PSD3: variants seen among roughly 807,000 people sequenced by gnomAD.
The protein encoded by PSD3 is PH and SEC7 domain-containing protein 3.
In PSD3, 49 loss-of-function variants were observed where a neutral mutation model predicts 105.5. That is an observed-to-expected ratio of 0.46 (90% confidence interval 0.37 to 0.59). PSD3 has a LOEUF of 0.59. PSD3 is among the 20% of genes least tolerant of loss of function. The pLI is 0.00. For missense variants in PSD3, 1,561 were observed against 1,263.8 expected (o/e 1.24, Z -3.57); for synonymous variants, 557 against 457.8 (o/e 1.22, Z -2.77).
intron 10 of PSD3, among the ~76,000 whole-genome samples, chr8:18,640,772 T>C (rs1268156281): frequency 3.9e-5 from 6 of 152,192 alleles, no homozygotes; most frequent in Non-Finnish European, 4.4e-5. Flanking sequence ...CTTTCCTCTC[T>C]ATTTAGGAAG....
intron 1 of PSD3, among the ~76,000 whole-genome samples, chr8:18,971,566 C>T (rs150683391): frequency 3.3e-5 from 5 of 152,142 alleles, no homozygotes; most frequent in South Asian, 2.1e-4. Context: ...CTGCAGCCCC[C>T]GGGCTTCAGC....
chr8:18,680,035 A>C (rs1253918756), intron 9 of PSD3, among the ~76,000 whole-genome samples: 1 of 152,250 alleles, frequency 6.6e-6, no homozygotes, highest in East Asian at 1.9e-4. Flanking sequence ...ATTCCGCCTC[A>C]TTTAAACGGT....
At chr8:18,891,829 T>C (rs900801313) in intron 2 of PSD3, among the ~76,000 whole-genome samples, 7 of 152,254 alleles carry the variant, frequency 4.6e-5, no homozygotes, top group African/African-American at 1.7e-4. Context: ...AAGAACTTAA[T>C]GTAAGACCAC....
chr8:18,643,619 C>G (rs959042476), intron 10 of PSD3, among the ~76,000 whole-genome samples: 1 of 152,108 alleles, frequency 6.6e-6, no homozygotes, highest in African/African-American at 2.4e-5. Flanking sequence ...TGAACAAAAC[C>G]CAACTCCAAA....
At chr8:18,965,421 C>G (rs12676418) in intron 1 of PSD3, among the ~76,000 whole-genome samples, 10,620 of 152,206 alleles carry the variant, frequency 0.07, 894 homozygotes, top group African/African-American at 0.2. Flanking sequence ...ACAGGCTGTG[C>G]TGGTAAGGCC....
chr8:18,923,325 C>T (rs1314607333), intron 2 of PSD3, among the ~76,000 whole-genome samples: 1 of 152,158 alleles, frequency 6.6e-6, no homozygotes, highest in Admixed American at 6.5e-5. Flanking sequence ...GACAAGGTAG[C>T]CCCATTCTAA....
intron 8 of PSD3, among the ~76,000 whole-genome samples, chr8:18,768,800 T>TTTG (rs146389767): frequency 0.02 from 3,116 of 152,284 alleles, 102 homozygotes; most frequent in African/African-American, 0.068. Flanking sequence ...TGCTGACATT[T>TTTG]TTGTTGTTGT....
At chr8:19,039,193 C>A (rs6984468) in intron 1 of PSD3, among the ~76,000 whole-genome samples, 59,105 of 151,982 alleles carry the variant, frequency 0.39, 12,079 homozygotes, top group Middle Eastern at 0.57. Context: ...CTTTCATATG[C>A]AAAGGTTAGA....
chr8:18,547,291 T>C (rs1209203297), intron 15 of PSD3, among the ~76,000 whole-genome samples: 2 of 152,208 alleles, frequency 1.3e-5, no homozygotes, highest in Non-Finnish European at 2.9e-5. Flanking sequence ...GATGCACAAC[T>C]TGTGCTCCTA....
chr8:18,985,212 G>A (rs773751297), intron 1 of PSD3, among the ~76,000 whole-genome samples: 2 of 152,176 alleles, frequency 1.3e-5, no homozygotes, highest in Non-Finnish European at 2.9e-5. Context: ...GGGATTACAG[G>A]CGTGAGTCAC....
intron 4 of PSD3, among the ~76,000 whole-genome samples, chr8:18,854,845 AG>A (rs1274970218): frequency 1.0e-4 from 15 of 150,724 alleles, no homozygotes; most frequent in African/African-American, 3.6e-4. Context: ...TTTCATTTCT[AG>A]TTTTGTTTTT....
chr8:18,778,618 T>C (rs899479137), intron 8 of PSD3, among the ~76,000 whole-genome samples: 5 of 151,196 alleles, frequency 3.3e-5, no homozygotes, highest in Non-Finnish European at 5.9e-5. Context: ...TATGATGTGT[T>C]CTTTCTATGT....
At chr8:18,905,906 T>C (rs1019474221) in intron 2 of PSD3, among the ~76,000 whole-genome samples, 2 of 152,102 alleles carry the variant, frequency 1.3e-5, no homozygotes, top group Non-Finnish European at 2.9e-5. Flanking sequence ...TTTTTCAAGA[T>C]GAAAAAAGAA....
At chr8:18,892,028 G>A (rs961719691) in intron 2 of PSD3, among the ~76,000 whole-genome samples, 1 of 152,074 alleles carries the variant, frequency 6.6e-6, no homozygotes, top group African/African-American at 2.4e-5. Flanking sequence ...TTTACAAAAG[G>A]GGCATTTAGT....
intron 9 of PSD3, among the ~76,000 whole-genome samples, chr8:18,671,280 C>A (rs1799767210): frequency 6.6e-6 from 1 of 152,114 alleles, no homozygotes; most frequent in Non-Finnish European, 1.5e-5. Context: ...TTGAAAGTTA[C>A]CAGATCAAAT....
intron 11 of PSD3, among the ~76,000 whole-genome samples, chr8:18,611,075 G>GT (rs1449242587): frequency 6.6e-6 from 1 of 152,116 alleles, no homozygotes; most frequent in East Asian, 1.9e-4. Context: ...AACAATGAAA[G>GT]TTAATTTAAC....
chr8:18,787,638 T>C (rs1809296343), intron 8 of PSD3, among the ~76,000 whole-genome samples: 1 of 152,164 alleles, frequency 6.6e-6, no homozygotes, highest in Admixed American at 6.6e-5. Flanking sequence ...GAGGCCTACG[T>C]CATCCCGCAA....
At position 18,867,740 on chromosome 8, in the gene PSD3, T is replaced by C. The variant is rs750061964; in HGVS notation, c.1568A>G (p.Asn523Ser). 8.7e-6 allele frequency: 14 copies of C among 1,609,658 alleles called. No homozygotes were observed. The highest frequency in any genetic ancestry group is 5.5e-5 in the South Asian group (5 of 90,806). The change falls in exon 4 of 16, where the codon AAT becomes AGT. Residue 523 changes from asparagine to serine, a missense_variant. Coordinates refer to ENST00000327040, the MANE Select transcript of PSD3 (RefSeq NM_015310.4). Reference protein sequence around the residue: ...IVMGYSSGVTNGLNDASDSIY... With the variant: ...IVMGYSSGVTSGLNDASDSIY... ...GGAGTCGCTGGCATCATTCAGCCCA[T>C]TGGTGACGCCACTAGAATAGCCCAT...
Position 19,069,949 on chromosome 8 carries a change from C to CT in PSD3, c.324+14256dup, listed in dbSNP as rs5889849. Among the ~76,000 whole-genome samples, 680 of 139,004 alleles carry CT rather than the reference C, an allele frequency of 4.9e-3. 7 individuals carry two copies. The highest frequency in any genetic ancestry group is 0.016 in the African/African-American group (618 of 38,506). The allele number at this position is 139,004 out of a possible 152,430, so 91.2% of individuals were successfully genotyped here. A position where few individuals can be genotyped will look rare whatever the true frequency, so the allele number is the denominator to read the frequency against. On this transcript the variant is annotated intron_variant, in intron 1 of 1. Transcript: ENST00000521475. ...TCATCTCAAAAAGCTTTTCTTTTTTCTTTTTTTTTTTTTTGAGACAGAGTC... is the reference window on the plus strand; with the variant it reads ...TCATCTCAAAAAGCTTTTCTTTTTTCTTTTTTTTTTTTTTTGAGACAGAGTC...
Sources: allele counts gnomAD v4.1 joint callset (sites outside exome capture counted in the v4.1 genomes callset), GRCh38; gene constraint gnomAD v4.1.1; transcripts MANE v1.5; gene names NCBI Gene and HGNC (gene_info 2026-07-23, HGNC 2026-07-21).